Variants in RBFOX1 observed in about 807,000 individuals in gnomAD.
RBFOX1 encodes RNA binding protein fox-1 homolog 1.
In RBFOX1, 8 loss-of-function variants were observed where a neutral mutation model predicts 57.7. That is an observed-to-expected ratio of 0.14 (90% CI 0.08 to 0.25). The LOEUF (loss-of-function observed/expected upper bound fraction) is 0.25. RBFOX1 is among the 10% of genes least tolerant of loss of function. The probability of loss-of-function intolerance (pLI) is 1.00; values close to 1 mark genes in which losing one functional copy is unlikely to be tolerated. For missense variants in RBFOX1, 611 were observed against 548.5 expected (o/e 1.11, Z -1.14); for synonymous variants, 326 against 222.4 (o/e 1.47, Z -4.15).
intron 3 of RBFOX1, among the ~76,000 whole-genome samples, chr16:5,847,975 G>C (rs1456076238): frequency 3.3e-5 from 5 of 152,158 alleles, no homozygotes. Context: ...CCATGGCTCT[G>C]ACATCATCTG....
intron 3 of RBFOX1, among the ~76,000 whole-genome samples, chr16:6,909,902 C>G (rs1796424593): frequency 6.6e-6 from 1 of 152,222 alleles, no homozygotes; most frequent in Non-Finnish European, 1.5e-5. Flanking sequence ...TTTGCTAATT[C>G]TGTTCGGGCA....
At chr16:7,380,317 A>G (rs2097764435) in intron 4 of RBFOX1, among the ~76,000 whole-genome samples, 1 of 152,200 alleles carries the variant, frequency 6.6e-6, no homozygotes, top group Admixed American at 6.5e-5. Flanking sequence ...CTCCCCCATC[A>G]TTTAATAATT....
chr16:6,783,462 T>C (rs1452750429), intron 3 of RBFOX1, among the ~76,000 whole-genome samples: 4 of 151,376 alleles, frequency 2.6e-5, no homozygotes, highest in African/African-American at 7.3e-5. Flanking sequence ...AAAAATCTTA[T>C]AACCAATTAT....
intron 2 of RBFOX1, among the ~76,000 whole-genome samples, chr16:6,568,731 G>C (rs548562259): frequency 6.6e-6 from 1 of 152,136 alleles, no homozygotes; most frequent in African/African-American, 2.4e-5. Context: ...TCAGGGGCCA[G>C]TTGGGTGGAA....
At chr16:5,962,823 T>G (rs537133346) in intron 4 of RBFOX1, among the ~76,000 whole-genome samples, 1 of 150,778 alleles carries the variant, frequency 6.6e-6, no homozygotes, top group Non-Finnish European at 1.5e-5. Flanking sequence ...GTTTGGTTTT[T>G]TTTTTTTTTT....
chr16:7,172,477 T>A (rs1322952209), intron 4 of RBFOX1, among the ~76,000 whole-genome samples: 3 of 152,174 alleles, frequency 2.0e-5, no homozygotes, highest in African/African-American at 4.8e-5. Flanking sequence ...CACCCTTTGA[T>A]CCCCAGCCTT....
At chr16:6,277,517 A>G (rs1433184105) in intron 1 of RBFOX1, among the ~76,000 whole-genome samples, 1 of 148,896 alleles carries the variant, frequency 6.7e-6, no homozygotes, top group Admixed American at 6.7e-5. Context: ...CACACCTTTT[A>G]TCTCAGCACT....
rs757303986 is a variant in RBFOX1, at chr16:6,801,796, CAA to C, written c.-16+147148_-16+147149del. ...ATATTGCCAGACCGACTCAAAATTA[CAA>C]AGTTTTCCAAAGATTATATACCTTC... is the stretch of plus-strand genomic sequence containing the variant. On this transcript the variant is annotated intron_variant, in intron 3 of 15. Coordinates refer to ENST00000550418, the MANE Select transcript of RBFOX1 (RefSeq NM_018723.4). Among the ~76,000 whole-genome samples, 7 of 152,150 alleles carry C rather than the reference CAA, an allele frequency of 4.6e-5. No individual in the cohort carries two copies. The South Asian group carries it at 1.2e-3, about 27-fold the overall frequency.
chr16:6,590,290 A>G (rs2097692162), intron 2 of RBFOX1, among the ~76,000 whole-genome samples: 1 of 152,186 alleles, frequency 6.6e-6, no homozygotes, highest in Non-Finnish European at 1.5e-5. Flanking sequence ...TTTCAGACTA[A>G]GAAAGTCCTT....
intron 3 of RBFOX1, among the ~76,000 whole-genome samples, chr16:6,869,501 GT>G (rs2060503813): frequency 6.6e-6 from 1 of 151,282 alleles, no homozygotes; most frequent in Non-Finnish European, 1.5e-5. Context: ...AATGCCCTGA[GT>G]TTTTCAACAC....
chr16:6,879,443 G>C (rs1016642413), intron 3 of RBFOX1, among the ~76,000 whole-genome samples: 1 of 152,046 alleles, frequency 6.6e-6, no homozygotes, highest in Non-Finnish European at 1.5e-5. Flanking sequence ...TTTAAAAACT[G>C]TTCTTTCATC....
At chr16:6,557,118 TATAC>T (rs1035925738) in intron 2 of RBFOX1, among the ~76,000 whole-genome samples, 150 of 141,522 alleles carry the variant, frequency 1.1e-3, no homozygotes, top group Middle Eastern at 7.4e-3. Context: ...TATATACATA[TATAC>T]ATACATATAC....
chr16:6,714,947 G>A (rs757233804), intron 3 of RBFOX1, among the ~76,000 whole-genome samples: 2 of 152,184 alleles, frequency 1.3e-5, no homozygotes, highest in African/African-American at 2.4e-5. Flanking sequence ...TTAAGTTGTA[G>A]AGGCACCTTG....
chr16:7,327,920 G>A (rs1193518061), intron 4 of RBFOX1, among the ~76,000 whole-genome samples: 2 of 152,072 alleles, frequency 1.3e-5, no homozygotes, highest in African/African-American at 4.8e-5. Flanking sequence ...TTGACCGACA[G>A]AATCCATGAG....
intron 4 of RBFOX1, among the ~76,000 whole-genome samples, chr16:6,009,274 TA>T (rs973917047): frequency 5.6e-4 from 86 of 152,244 alleles, no homozygotes; most frequent in African/African-American, 1.9e-3. Flanking sequence ...TCTACCACCT[TA>T]AAACTGCCAA....
At chr16:6,875,908 G>T (rs1358130559) in intron 3 of RBFOX1, among the ~76,000 whole-genome samples, 2 of 152,150 alleles carry the variant, frequency 1.3e-5, no homozygotes, top group East Asian at 3.9e-4. Context: ...TGAGGTGGGA[G>T]GATCACTTGA....
chr16:6,690,668 A>G (rs1038971725), intron 3 of RBFOX1, among the ~76,000 whole-genome samples: 9 of 151,920 alleles, frequency 5.9e-5, no homozygotes, highest in Non-Finnish European at 1.2e-4. Context: ...CTTTTAGTCG[A>G]TTATAGTACA....
At chr16:7,682,410 ATAC>A (rs2074995979) in intron 14 of RBFOX1, among the ~76,000 whole-genome samples, 1 of 152,056 alleles carries the variant, frequency 6.6e-6, no homozygotes, top group East Asian at 1.9e-4. Context: ...CCCAGCTGGG[ATAC>A]AGACCCAAAG....
intron 3 of RBFOX1, among the ~76,000 whole-genome samples, chr16:6,780,978 G>A (rs1356403333): frequency 6.6e-6 from 1 of 152,046 alleles, no homozygotes; most frequent in East Asian, 1.9e-4. Flanking sequence ...CCTTTGCTGT[G>A]CAGACACTTT....
Sources: allele counts gnomAD v4.1 joint callset (sites outside exome capture counted in the v4.1 genomes callset), GRCh38; gene constraint gnomAD v4.1.1; transcripts MANE v1.5; gene names NCBI Gene and HGNC (gene_info 2026-07-23, HGNC 2026-07-21).